Variants in PDGFD observed in about 807,000 individuals in gnomAD.
The protein encoded by PDGFD is platelet-derived growth factor D.
A neutral mutation model predicts 44.7 loss-of-function variants in PDGFD; 30 were observed. The ratio of observed to expected loss-of-function variants is 0.67; its 90% CI spans 0.50 to 0.91. The LOEUF (loss-of-function observed/expected upper bound fraction) is 0.91. Ranked by LOEUF, PDGFD falls within the 40% of genes least tolerant of loss-of-function variation. The pLI is 0.00. For synonymous variants in PDGFD, 173 were observed against 168.4 expected (o/e 1.03, Z -0.21); for missense variants, 445 against 457.8 (o/e 0.97, Z 0.25).
intron 1 of PDGFD, among the ~76,000 whole-genome samples, chr11:104,033,813 T>C (rs985071705): frequency 2.0e-5 from 3 of 152,230 alleles, no homozygotes; most frequent in Non-Finnish European, 2.9e-5. Flanking sequence ...ACATCTCACA[T>C]GATAATTGTT....
chr11:104,100,987 C>G (rs990973586), intron 1 of PDGFD, among the ~76,000 whole-genome samples: 3 of 152,186 alleles, frequency 2.0e-5, no homozygotes, highest in African/African-American at 4.8e-5. Context: ...AAACCCACAG[C>G]CAATATCATA....
At chr11:104,161,051 T>A (rs569388177) in intron 1 of PDGFD, among the ~76,000 whole-genome samples, 1 of 152,288 alleles carries the variant, frequency 6.6e-6, no homozygotes, top group Admixed American at 6.5e-5. Flanking sequence ...GCTCCTTTCT[T>A]CATCCCAACA....
At chr11:104,026,336 T>C (rs773592712) in intron 1 of PDGFD, among the ~76,000 whole-genome samples, 10 of 152,256 alleles carry the variant, frequency 6.6e-5, no homozygotes, top group Non-Finnish European at 7.3e-5. Flanking sequence ...TTTTGCACCT[T>C]AAGATCTATT....
At chr11:104,020,690 C>A (rs976000802) in intron 1 of PDGFD, among the ~76,000 whole-genome samples, 1 of 152,088 alleles carries the variant, frequency 6.6e-6, no homozygotes, top group Non-Finnish European at 1.5e-5. Context: ...TATGCATTTA[C>A]ATAATTGCCA....
chr11:103,964,302 T>C (rs377109837), intron 3 of PDGFD, among the ~76,000 whole-genome samples: 1 of 152,180 alleles, frequency 6.6e-6, no homozygotes, highest in South Asian at 2.1e-4. Flanking sequence ...TACAGGTGAT[T>C]AGCAGCTGAT....
rs193028822 is a variant in PDGFD at position 103,982,844 on chromosome 11, A to C, written c.510+13221T>G. ...GCCACAAAAAGAATAAAACATACTTAGCAATACAACTAAGTGGGAAGGTGA... is the reference window on the plus strand; with the variant it reads ...GCCACAAAAAGAATAAAACATACTTCGCAATACAACTAAGTGGGAAGGTGA... On this transcript the variant is annotated intron_variant, in intron 3 of 6. Transcript: ENST00000393158. 9.4e-4 allele frequency among the ~76,000 whole-genome samples: 143 copies of C among 151,530 alleles called. 3 individuals are homozygous for C. The highest frequency in any genetic ancestry group is 3.0e-3 in the African/African-American group (124 of 41,154).
chr11:104,044,624 A>G (rs2134401667), intron 1 of PDGFD, among the ~76,000 whole-genome samples: 1 of 152,354 alleles, frequency 6.6e-6, no homozygotes, highest in East Asian at 1.9e-4. Context: ...CTATCTACAA[A>G]TAAACCATTA....
chr11:103,977,308 T>C (rs542944671), intron 3 of PDGFD, among the ~76,000 whole-genome samples: 47 of 152,000 alleles, frequency 3.1e-4, no homozygotes, highest in Non-Finnish European at 6.2e-4. Flanking sequence ...TCCCAAACAA[T>C]TGAAAAAGAG....
chr11:104,003,620 C>T (rs1451655742), intron 1 of PDGFD, among the ~76,000 whole-genome samples: 3 of 152,212 alleles, frequency 2.0e-5, no homozygotes, highest in Non-Finnish European at 4.4e-5. Context: ...ATTATTGATA[C>T]TCAAGGATGC....
At chr11:104,009,570 T>A (rs1859753156) in intron 1 of PDGFD, among the ~76,000 whole-genome samples, 1 of 151,988 alleles carries the variant, frequency 6.6e-6, no homozygotes, top group Admixed American at 6.6e-5. Context: ...ATGTGCGGTG[T>A]TTTGTTGAAG....
At chr11:104,080,467 C>G (rs1182079501) in intron 1 of PDGFD, among the ~76,000 whole-genome samples, 2 of 152,126 alleles carry the variant, frequency 1.3e-5, no homozygotes, top group African/African-American at 2.4e-5. Flanking sequence ...GCAAAATATA[C>G]CAGCACAGGG....
chr11:104,116,728 C>A (rs1447447588), intron 1 of PDGFD, among the ~76,000 whole-genome samples: 1 of 151,926 alleles, frequency 6.6e-6, no homozygotes, highest in Non-Finnish European at 1.5e-5. Flanking sequence ...TTCTAGAATT[C>A]CCATGCATTG....
chr11:103,961,054 T>C (rs1191524332), intron 3 of PDGFD, among the ~76,000 whole-genome samples: 2 of 152,190 alleles, frequency 1.3e-5, no homozygotes, highest in Non-Finnish European at 1.5e-5. Context: ...CTTATTTCTG[T>C]ACTTGTTTCC....
intron 5 of PDGFD, among the ~76,000 whole-genome samples, chr11:103,937,907 T>C (rs1484085115): frequency 6.6e-6 from 1 of 151,914 alleles, no homozygotes; most frequent in Non-Finnish European, 1.5e-5. Context: ...GGCTGCATAG[T>C]ATTCCATGGT....
chr11:103,914,405 G>C (rs986507118), intron 6 of PDGFD, among the ~76,000 whole-genome samples: 2 of 152,164 alleles, frequency 1.3e-5, no homozygotes, highest in Non-Finnish European at 2.9e-5. Flanking sequence ...CCAGGAAGAA[G>C]TCAAATCCCT....
intron 3 of PDGFD, among the ~76,000 whole-genome samples, chr11:103,981,089 G>A (rs994137627): frequency 2.7e-5 from 4 of 149,190 alleles, no homozygotes; most frequent in Non-Finnish European, 5.9e-5. Flanking sequence ...ATTGAGAGGT[G>A]GGGCCTATAA....
chr11:104,162,836 C>T (rs1224582147), intron 1 of PDGFD, among the ~76,000 whole-genome samples: 4 of 152,070 alleles, frequency 2.6e-5, no homozygotes, highest in Non-Finnish European at 5.9e-5. Context: ...TGTGTTAGTA[C>T]TTTAAGCAAG....
intron 1 of PDGFD, among the ~76,000 whole-genome samples, chr11:104,051,501 C>T (rs1860536333): frequency 6.6e-6 from 1 of 152,064 alleles, no homozygotes; most frequent in Admixed American, 6.6e-5. Context: ...ATACCAACTG[C>T]AAGCTTCCAA....
intron 4 of PDGFD, among the ~76,000 whole-genome samples, chr11:103,944,999 T>C (rs1193499147): frequency 1.3e-5 from 2 of 152,136 alleles, no homozygotes; most frequent in African/African-American, 4.8e-5. Context: ...GTCATCCTTG[T>C]TAAAATAAGT....
Sources: allele counts gnomAD v4.1 joint callset (sites outside exome capture counted in the v4.1 genomes callset), GRCh38; gene constraint gnomAD v4.1.1; transcripts MANE v1.5; gene names NCBI Gene and HGNC (gene_info 2026-07-23, HGNC 2026-07-21).